The following ITGA8 variants were observed in gnomAD, a reference collection of about 807,000 sequenced individuals.
ITGA8 encodes the protein integrin subunit alpha 8.
ITGA8 carries 91 observed loss-of-function variants against 142.3 expected under a neutral mutation model. The ratio of observed to expected loss-of-function variants is 0.64; its 90% CI spans 0.54 to 0.76. The LOEUF (loss-of-function observed/expected upper bound fraction) is 0.76, where lower values mean the gene tolerates loss of function less well. Ranked by LOEUF, ITGA8 falls within the 30% of genes least tolerant of loss-of-function variation. The pLI is 0.00. For synonymous variants in ITGA8, 505 were observed against 485.2 expected (o/e 1.04, Z -0.54); for missense variants, 1,406 against 1,327.7 (o/e 1.06, Z -0.92).
intron 2 of ITGA8, among the ~76,000 whole-genome samples, chr10:15,705,888 G>A (rs184519268): frequency 1.6e-4 from 24 of 152,036 alleles, no homozygotes; most frequent in East Asian, 1.5e-3. Context: ...TCAAATCCCC[G>A]GTATTTCTGT....
intron 2 of ITGA8, among the ~76,000 whole-genome samples, chr10:15,718,097 A>C (rs1588750400): frequency 6.6e-6 from 1 of 152,356 alleles, no homozygotes; most frequent in East Asian, 1.9e-4. Context: ...ATCGCATTTA[A>C]ATTATTTTCT....
At chr10:15,648,608 T>C (rs968603434) in intron 11 of ITGA8, among the ~76,000 whole-genome samples, 3 of 152,038 alleles carry the variant, frequency 2.0e-5, no homozygotes, top group Admixed American at 2.0e-4. Context: ...CCATATCAAG[T>C]GGCTCATACA....
intron 23 of ITGA8, among the ~76,000 whole-genome samples, chr10:15,585,382 C>CA (rs773712285): frequency 1.2e-3 from 183 of 152,268 alleles, no homozygotes; most frequent in Non-Finnish European, 2.2e-3. Context: ...CTTGGAGTAG[C>CA]ACCCAGAAGG....
intron 13 of ITGA8, among the ~76,000 whole-genome samples, chr10:15,617,641 C>T (rs1588678217): frequency 2.0e-5 from 3 of 152,214 alleles, no homozygotes; most frequent in African/African-American, 7.2e-5. Context: ...CCTCATGATC[C>T]ACCCGCCTCG....
intron 23 of ITGA8, among the ~76,000 whole-genome samples, chr10:15,582,442 T>A (rs1844908716): frequency 6.6e-6 from 1 of 152,172 alleles, no homozygotes; most frequent in South Asian, 2.1e-4. Flanking sequence ...TCAACTGGAT[T>A]TCATCAAACT....
chr10:15,582,667 G>A (rs1230588078), intron 23 of ITGA8, among the ~76,000 whole-genome samples: 1 of 152,234 alleles, frequency 6.6e-6, no homozygotes, highest in Non-Finnish European at 1.5e-5. Flanking sequence ...TGGCAAATAA[G>A]CACTGAAAAG....
At chr10:15,646,167 G>T (rs1833978173) in intron 12 of ITGA8, among the ~76,000 whole-genome samples, 1 of 152,180 alleles carries the variant, frequency 6.6e-6, no homozygotes, top group Admixed American at 6.5e-5. Context: ...TCAAATGTGA[G>T]AAAATTGCTT....
intron 23 of ITGA8, among the ~76,000 whole-genome samples, chr10:15,579,079 G>A (rs1397288001): frequency 4.6e-5 from 7 of 152,014 alleles, no homozygotes; most frequent in Non-Finnish European, 1.0e-4. Flanking sequence ...CAAAAATAAA[G>A]TTCCGGGAGA....
At chr10:15,671,525 T>C in intron 8 of ITGA8, 78 bp downstream of exon 8, 2 of 1,185,446 alleles carry the variant, frequency 1.7e-6, no homozygotes, top group Non-Finnish European at 2.5e-6. Context: ...AAAATCACAT[T>C]GATAGAAAAA....
intron 4 of ITGA8, among the ~76,000 whole-genome samples, chr10:15,681,868 G>T (rs1180498012): frequency 2.0e-5 from 3 of 152,108 alleles, no homozygotes; most frequent in Non-Finnish European, 4.4e-5. Flanking sequence ...TTGATGAAAA[G>T]TTCAATAATG....
At chr10:15,550,468 T>G (rs1833774412) in intron 26 of ITGA8, among the ~76,000 whole-genome samples, 1 of 152,112 alleles carries the variant, frequency 6.6e-6, no homozygotes, top group Admixed American at 6.5e-5. Context: ...GGTGTCAAGG[T>G]CAGGAGTTGT....
At chr10:15,568,396 T>A (rs1375519387) in intron 25 of ITGA8, among the ~76,000 whole-genome samples, 10 of 152,222 alleles carry the variant, frequency 6.6e-5, no homozygotes, top group Admixed American at 6.5e-4. Context: ...TACAGGATGA[T>A]CCCAGTGGTA....
At chr10:15,714,618 C>T (rs1835418597) in intron 2 of ITGA8, among the ~76,000 whole-genome samples, 2 of 151,986 alleles carry the variant, frequency 1.3e-5, no homozygotes, top group Non-Finnish European at 2.9e-5. Context: ...CAAGCTTCCT[C>T]TATTTTTGTA....
In ITGA8 at chr10:15,705,688, T is replaced by A. The variant is rs529603631; in HGVS notation, c.343+13078A>T. 3.3e-4 allele frequency among the ~76,000 whole-genome samples: 50 copies of A among 152,336 alleles called. No individual in the cohort carries two copies. The South Asian group carries it at 6.4e-3, about 20-fold the overall frequency. On this transcript the variant is annotated intron_variant, in intron 2 of 29. Coordinates refer to ENST00000378076, the MANE Select transcript of ITGA8 (RefSeq NM_003638.3). Reference sequence around the variant, plus strand: ...CACACTTACTCTCTCCCATTGGCTATCTCCCATTCTCTCTTGACACACTCC... The same window carrying A: ...CACACTTACTCTCTCCCATTGGCTAACTCCCATTCTCTCTTGACACACTCC...
intron 2 of ITGA8, among the ~76,000 whole-genome samples, chr10:15,695,822 G>A (rs527991665): frequency 6.6e-6 from 1 of 152,130 alleles, no homozygotes; most frequent in Non-Finnish European, 1.5e-5. Flanking sequence ...GGACATCAGC[G>A]GTGACAGATG....
At chr10:15,695,252 A>C (rs1835029495) in intron 2 of ITGA8, among the ~76,000 whole-genome samples, 1 of 152,154 alleles carries the variant, frequency 6.6e-6, no homozygotes, top group Non-Finnish European at 1.5e-5. Flanking sequence ...GCAGAATTGC[A>C]CTGTCCCAGG....
intron 10 of ITGA8, among the ~76,000 whole-genome samples, chr10:15,656,598 A>G (rs1834190113): frequency 1.3e-5 from 2 of 152,106 alleles, no homozygotes; most frequent in Admixed American, 6.6e-5. Flanking sequence ...TCCTGACCTC[A>G]GGTGATCCAC....
At chr10:15,674,271 T>C (rs1834585243) in intron 6 of ITGA8, among the ~76,000 whole-genome samples, 1 of 152,230 alleles carries the variant, frequency 6.6e-6, no homozygotes, top group Admixed American at 6.5e-5. Context: ...ACATACACAC[T>C]GTCTTTGCTG....
At chr10:15,630,501 T>C (rs1833664930) in intron 13 of ITGA8, among the ~76,000 whole-genome samples, 1 of 151,950 alleles carries the variant, frequency 6.6e-6, no homozygotes, top group Non-Finnish European at 1.5e-5. Flanking sequence ...TATCAAAGAA[T>C]TGCACACATG....
Sources: allele counts gnomAD v4.1 joint callset (sites outside exome capture counted in the v4.1 genomes callset), GRCh38; gene constraint gnomAD v4.1.1; transcripts MANE v1.5; gene names NCBI Gene and HGNC (gene_info 2026-07-23, HGNC 2026-07-21).